Variants in HEMK2 observed in about 807,000 individuals in gnomAD.
The protein encoded by HEMK2 is methyltransferase HEMK2.
chr21:28,665,334 C>CTTTTTTTTTT, the HEMK2 span, among the ~76,000 whole-genome samples: 4 of 36,680 alleles, frequency 1.1e-4, no homozygotes, highest in Admixed American at 3.9e-4. Context: ...ATTTATATTT[C>CTTTTTTTTTT]TTTTTTTTTT....
chr21:28,885,046 G>A, the HEMK2 span, among the ~76,000 whole-genome samples: 1 of 152,030 alleles, frequency 6.6e-6, no homozygotes, highest in African/African-American at 2.4e-5. Context: ...ATTACTTGTA[G>A]CTACAGGAAA....
chr21:28,840,804 A>G, the HEMK2 span, among the ~76,000 whole-genome samples: 2 of 151,204 alleles, frequency 1.3e-5, no homozygotes, highest in African/African-American at 2.4e-5. Context: ...TCCTTAAGGA[A>G]CTAAAAGTAG....
At chr21:28,681,100 G>C in the HEMK2 span, among the ~76,000 whole-genome samples, 2 of 152,128 alleles carry the variant, frequency 1.3e-5, no homozygotes, top group Non-Finnish European at 2.9e-5. Flanking sequence ...TAGGAAAAGA[G>C]GAAGTCAAAT....
At chr21:28,720,826 A>T in the HEMK2 span, among the ~76,000 whole-genome samples, 1 of 152,192 alleles carries the variant, frequency 6.6e-6, no homozygotes, top group Non-Finnish European at 1.5e-5. Flanking sequence ...AGAGCACTCA[A>T]CTGGAGCTGG....
the HEMK2 span, among the ~76,000 whole-genome samples, chr21:28,817,065 C>T: frequency 3.6e-4 from 55 of 152,296 alleles, no homozygotes; most frequent in African/African-American, 1.2e-3. Context: ...CTAAACACTT[C>T]CAGTTGGGCA....
chr21:28,858,935 C>T, the HEMK2 span, among the ~76,000 whole-genome samples: 1 of 152,194 alleles, frequency 6.6e-6, no homozygotes, highest in Non-Finnish European at 1.5e-5. Flanking sequence ...ATCTCTCTGT[C>T]ACTCTGACAG....
At chr21:28,775,184 T>A in the HEMK2 span, among the ~76,000 whole-genome samples, 1 of 152,182 alleles carries the variant, frequency 6.6e-6, no homozygotes, top group South Asian at 2.1e-4. Context: ...AAAGCCATGA[T>A]TTATGGCTGG....
chr21:28,608,388 CA>C, the HEMK2 span, among the ~76,000 whole-genome samples: 50,777 of 117,814 alleles, frequency 0.43, 8,590 homozygotes, highest in Middle Eastern at 0.52. Context: ...TTTTCAACTT[CA>C]AAAAAAAAAA....
At chr21:28,585,425 C>G in the HEMK2 span, among the ~76,000 whole-genome samples, 2 of 151,788 alleles carry the variant, frequency 1.3e-5, no homozygotes, top group African/African-American at 4.8e-5. Flanking sequence ...AACACCAAAC[C>G]AGACCCATAA....
the HEMK2 span, among the ~76,000 whole-genome samples, chr21:28,800,919 C>T: frequency 6.6e-6 from 1 of 152,144 alleles, no homozygotes; most frequent in Non-Finnish European, 1.5e-5. Flanking sequence ...GACTAAGTAG[C>T]CTTTTTACTC....
At chr21:28,729,337 AC>A in the HEMK2 span, among the ~76,000 whole-genome samples, 1 of 152,128 alleles carries the variant, frequency 6.6e-6, no homozygotes, top group Non-Finnish European at 1.5e-5. Flanking sequence ...AAATGGCAAA[AC>A]CAAGACCGTG....
At chr21:28,860,639 G>A in the HEMK2 span, among the ~76,000 whole-genome samples, 11 of 152,012 alleles carry the variant, frequency 7.2e-5, no homozygotes, top group African/African-American at 2.7e-4. Flanking sequence ...ATTGCCCTGA[G>A]TGACAGTCTT....
the HEMK2 span, among the ~76,000 whole-genome samples, chr21:28,840,534 A>G: frequency 6.6e-6 from 1 of 152,160 alleles, no homozygotes; most frequent in Non-Finnish European, 1.5e-5. Context: ...CTTATCAAAA[A>G]GTGGGATAAA....
chr21:28,883,033 A>G, the HEMK2 span: 1 of 1,608,030 alleles, frequency 6.2e-7, no homozygotes, highest in South Asian at 1.1e-5. Flanking sequence ...TGCAGATACT[A>G]CACCAGACCC....
chr21:28,847,168 T>C, the HEMK2 span, among the ~76,000 whole-genome samples: 1 of 152,138 alleles, frequency 6.6e-6, no homozygotes, highest in African/African-American at 2.4e-5. Context: ...GGGATTGGTA[T>C]TTCTGTTTAA....
chr21:28,655,526 G>A, the HEMK2 span, among the ~76,000 whole-genome samples: 2 of 152,198 alleles, frequency 1.3e-5, no homozygotes, highest in African/African-American at 4.8e-5. Flanking sequence ...AAGCAGCTCA[G>A]ACTGGTGGGT....
chr21:28,635,860 T>C, the HEMK2 span, among the ~76,000 whole-genome samples: 4 of 152,192 alleles, frequency 2.6e-5, no homozygotes, highest in African/African-American at 7.2e-5. Flanking sequence ...TGGGCACGTG[T>C]AGTAATTGAG....
At chr21:28,748,269 A>G in the HEMK2 span, among the ~76,000 whole-genome samples, 1 of 152,232 alleles carries the variant, frequency 6.6e-6, no homozygotes, top group African/African-American at 2.4e-5. Context: ...TACAATGAAC[A>G]TTGAAAAATG....
chr21:28,660,529 T>G, the HEMK2 span, among the ~76,000 whole-genome samples: 1 of 151,552 alleles, frequency 6.6e-6, no homozygotes, highest in Non-Finnish European at 1.5e-5. Context: ...TATAATATTT[T>G]TATCTTTTGT....
Sources: gnomAD v4.1 joint callset for allele counts (sites outside exome capture counted in the v4.1 genomes callset) on GRCh38, gnomAD v4.1.1 for gene constraint, MANE v1.5 for transcripts, NCBI Gene and HGNC (gene_info 2026-07-23, HGNC 2026-07-21) for gene names.